HSPB8: variants seen among roughly 807,000 people sequenced by gnomAD.
HSPB8 encodes heat shock protein beta-8.
HSPB8 carries 9 observed loss-of-function variants against 16.5 expected under a neutral mutation model. The observed-to-expected ratio is 0.55, with a 90% confidence interval of 0.33 to 0.95. HSPB8 has a LOEUF of 0.95. Among genes scored for constraint, HSPB8 ranks in the 40% least tolerant of loss-of-function variants. The probability of loss-of-function intolerance (pLI) is 0.03; values close to 1 mark genes in which losing one functional copy is unlikely to be tolerated. For missense variants in HSPB8, 238 were observed against 251.2 expected (o/e 0.95, Z 0.35); for synonymous variants, 99 against 94.8 (o/e 1.04, Z -0.26).
At chr12:119,188,666 C>T (rs949425381) in intron 2 of HSPB8, among the ~76,000 whole-genome samples, 2 of 152,152 alleles carry the variant, frequency 1.3e-5, no homozygotes, top group Non-Finnish European at 2.9e-5. Context: ...GGTGAAAGGA[C>T]ATACCCAAGG....
chr12:119,189,519 A>G (rs183302854), intron 2 of HSPB8, among the ~76,000 whole-genome samples: 16 of 152,218 alleles, frequency 1.1e-4, no homozygotes, highest in African/African-American at 3.9e-4. Flanking sequence ...CAATTTTTCC[A>G]TGGACTGGGG....
intron 2 of HSPB8, 124 bp from the exon 3 acceptor site, chr12:119,193,575 A>C: frequency 9.5e-7 from 1 of 1,047,636 alleles, no homozygotes; most frequent in Non-Finnish European, 1.4e-6. Context: ...GCCAGGATTC[A>C]AACCCAACAT....
rs751055135 is a variant in HSPB8 at position 119,193,902 on chromosome 12, G to T, written c.*44G>T. The T allele has an allele frequency of 1.3e-6, 2 of 1,599,374 alleles. No individual in the cohort carries two copies. The highest frequency in any genetic ancestry group is 1.3e-5 in the African/African-American group (1 of 74,428). ...TCCTTGTTTTGTCCCCAACCCTAGG[G>T]CTTCTCTGATTCCAGGATACATTAC... is the stretch of plus-strand genomic sequence containing the variant. On this transcript the variant is annotated 3_prime_UTR_variant, in exon 3 of 3. Transcript: ENST00000281938.
At position 119,179,518 on chromosome 12, in the gene HSPB8, T is replaced by C. The variant is rs775180131; in HGVS notation, c.206T>C (p.Val69Ala). The change falls in exon 1 of 3, where the codon GTG (valine) becomes GCG (alanine). Residue 69 changes from valine (V) to alanine (A), a missense_variant. By Grantham distance (64) the Val-to-Ala change is moderately conservative. Transcript: ENST00000281938. Reference sequence around the variant, plus strand: ...CCAGGCACCCTAAGGTCGGGCATGGTGCCCCGGGGCCCCACTGCCACCGCC... The same window carrying C: ...CCAGGCACCCTAAGGTCGGGCATGGCGCCCCGGGGCCCCACTGCCACCGCC... ...AWPGTLRSGM[V>A]PRGPTATARF... 6.8e-6 allele frequency: 11 copies of C among 1,613,814 alleles called. No individual in the cohort carries two copies. Among genetic ancestry groups the C allele is most frequent in the Non-Finnish European group, 9.3e-6 (11 of 1,179,936 alleles).
chr12:119,188,258 T>TTC (rs2136084157), intron 2 of HSPB8, among the ~76,000 whole-genome samples: 2 of 150,946 alleles, frequency 1.3e-5, no homozygotes, highest in African/African-American at 4.9e-5. Flanking sequence ...TTTTTTTTTT[T>TTC]TTTTTTGAGA....
At chr12:119,187,842 C>T (rs1210895046) in intron 2 of HSPB8, among the ~76,000 whole-genome samples, 1 of 152,092 alleles carries the variant, frequency 6.6e-6, no homozygotes, top group Non-Finnish European at 1.5e-5. Flanking sequence ...CAGCCTCTGC[C>T]CTGCCAGGAA....
chr12:119,179,756 T>C (rs1362375358), intron 1 of HSPB8, 77 bp downstream of exon 1: 1 of 1,510,698 alleles, frequency 6.6e-7, no homozygotes, highest in Non-Finnish European at 8.8e-7. Context: ...CCAGAGAAAG[T>C]TTCCTGGGAG....
chr12:119,182,872 A>G (rs1304149931), intron 1 of HSPB8: 1 of 152,036 alleles, frequency 6.6e-6, no homozygotes, highest in Non-Finnish European at 1.5e-5. Context: ...AAAGTAACTC[A>G]CCTGAGATTA....
chr12:119,183,567 T>C (rs1033950782), intron 1 of HSPB8, among the ~76,000 whole-genome samples: 2 of 152,236 alleles, frequency 1.3e-5, no homozygotes, highest in Non-Finnish European at 2.9e-5. Context: ...TCTGGATGTA[T>C]TTCTAAAAAT....
rs191445796 is a variant in HSPB8 at position 119,180,132 on chromosome 12, G to A, written c.367+453G>A. 2.0e-5 allele frequency among the ~76,000 whole-genome samples: 3 copies of A among 152,280 alleles called. No individual in the cohort carries two copies. The East Asian group carries it at 5.8e-4, about 29-fold the overall frequency. On this transcript the variant is annotated intron_variant, in intron 1 of 2. Transcript: ENST00000281938. ...GGTTTCCGGTGAAACACCTCTCCTT[G>A]TCCCAGACAGGGAAACTGAGGCTTA... is the stretch of plus-strand genomic sequence containing the variant.
intron 2 of HSPB8, among the ~76,000 whole-genome samples, chr12:119,188,376 A>C (rs936839903): frequency 1.3e-5 from 2 of 151,386 alleles, no homozygotes; most frequent in African/African-American, 2.4e-5. Flanking sequence ...TCTCCCAAGT[A>C]GCTGGGATTA....
intron 2 of HSPB8, 148 bp from the exon 3 acceptor site, chr12:119,193,551 T>C: frequency 1.3e-6 from 1 of 793,452 alleles, no homozygotes; most frequent in South Asian, 1.5e-5. Flanking sequence ...ACCACACAGC[T>C]AGAAAGGGGT....
At chr12:119,191,395 GGGA>G (rs1954711210) in intron 2 of HSPB8, among the ~76,000 whole-genome samples, 1 of 152,098 alleles carries the variant, frequency 6.6e-6, no homozygotes, top group African/African-American at 2.4e-5. Flanking sequence ...CCCCAGCATT[GGGA>G]GGGAGGTCTA....
chr12:119,179,761 T>C, intron 1 of HSPB8, 82 bp downstream of exon 1: 1 of 1,506,256 alleles, frequency 6.6e-7, no homozygotes, highest in Non-Finnish European at 8.9e-7. Flanking sequence ...GAAAGTTTCC[T>C]GGGAGCTGAC....
chr12:119,187,178 A>T, intron 2 of HSPB8, 90 bp downstream of exon 2: 1 of 1,047,246 alleles, frequency 9.5e-7, no homozygotes, highest in Non-Finnish European at 1.5e-6. Flanking sequence ...CCTCTTGGGC[A>T]TCTCTCTTTT....
At chr12:119,190,567 T>C (rs1397183189) in intron 2 of HSPB8, among the ~76,000 whole-genome samples, 1 of 152,180 alleles carries the variant, frequency 6.6e-6, no homozygotes, top group East Asian at 1.9e-4. Context: ...TTACAGTCAT[T>C]TGCAATACCG....
In HSPB8 at chr12:119,179,116, A is replaced by G; in HGVS notation, c.-197A>G. Reference sequence around the variant, plus strand: ...TTCTGCTGGATCTGCCCCGGGGGTTACCTTTGGGGGCTGGGACCCCAGTCG... The same window carrying G: ...TTCTGCTGGATCTGCCCCGGGGGTTGCCTTTGGGGGCTGGGACCCCAGTCG... On this transcript the variant is annotated 5_prime_UTR_variant, in exon 1 of 3. Coordinates refer to ENST00000281938, the MANE Select transcript of HSPB8 (RefSeq NM_014365.3). The G allele has an allele frequency of 1.5e-6, 1 of 654,774 alleles. No homozygotes were observed. The allele number at this position is 654,774 out of a possible 1,614,324, so 40.6% of individuals were successfully genotyped here.
rs903470831 is a variant in HSPB8 at position 119,178,943 on chromosome 12, T to C, written c.-370T>C. On this transcript the variant is annotated 5_prime_UTR_variant, in exon 1 of 3. Coordinates refer to ENST00000281938, the MANE Select transcript of HSPB8 (RefSeq NM_014365.3). ...CCCAGAAGGAGCCAGAAGAAGTTTC[T>C]AGGCGCGCGTGCCCTGGGTTTATTA... 2.9e-6 allele frequency: 1 copy of C among 339,600 alleles called. No homozygotes were observed. Among genetic ancestry groups the C allele is most frequent in the Non-Finnish European group, 5.6e-6 (1 of 179,506 alleles). 21.0% of individuals were successfully genotyped at this position (339,600 alleles called of 1,614,324 possible).
At chr12:119,186,287 T>G (rs924579686) in intron 1 of HSPB8, among the ~76,000 whole-genome samples, 2 of 152,210 alleles carry the variant, frequency 1.3e-5, no homozygotes, top group African/African-American at 4.8e-5. Flanking sequence ...CTGGGTGTTT[T>G]TGGCAGATTG....
Sources: allele counts gnomAD v4.1 joint callset (sites outside exome capture counted in the v4.1 genomes callset), GRCh38; gene constraint gnomAD v4.1.1; transcripts MANE v1.5; gene names NCBI Gene and HGNC (gene_info 2026-07-23, HGNC 2026-07-21).